Variants in ZSCAN10 observed in about 807,000 individuals in gnomAD.
The protein encoded by ZSCAN10 is zinc finger and SCAN domain-containing protein 10.
Under a neutral mutation model 63.7 loss-of-function variants are expected in ZSCAN10, and 52 were observed. The ratio of observed to expected loss-of-function variants is 0.82; its 90% CI spans 0.65 to 1.03. The LOEUF is 1.03. Ranked by LOEUF, ZSCAN10 falls within the 50% of genes least tolerant of loss-of-function variation. The pLI is 0.00. For synonymous variants in ZSCAN10, 544 were observed against 479.6 expected (o/e 1.13, Z -1.76); for missense variants, 1,223 against 1,103.8 (o/e 1.11, Z -1.53).
In ZSCAN10 at chr16:3,092,917, T is replaced by C; in HGVS notation, c.21A>G (p.Pro7=). The change falls in exon 2 of 6, where the codon CCA becomes CCG. Residue 7 remains proline (P), a synonymous_variant. Coordinates refer to ENST00000576985, the MANE Select transcript of ZSCAN10 (RefSeq NM_032805.3). ...CCAGCTGCTCCTGCTCCACGGCAGC[T>C]GGGACTGATTCTCCAAGCATCCTTC... MLGESV[P]AAVEQEQLGE... is the part of the protein sequence containing the mutation. The C allele has an allele frequency of 7.0e-7, 1 of 1,430,192 alleles. No individual in the cohort carries two copies. The highest frequency in any genetic ancestry group is 9.2e-7 in the Non-Finnish European group (1 of 1,092,410). 88.6% of individuals were successfully genotyped at this position (1,430,192 alleles called of 1,614,324 possible).
Position 3,092,782 on chromosome 16 carries a change from A to G in ZSCAN10, c.156T>C (p.Tyr52=). Residue 52 remains tyrosine (Y), a synonymous_variant, in exon 2 of 6, where the codon TAT becomes TAC. Coordinates refer to ENST00000576985, the MANE Select transcript of ZSCAN10 (RefSeq NM_032805.3). ...VAHQLFRCFQ[Y]QEDMGPRASL... ...ACGCCCGTGGCCCCATGTCCTCCTG[A>G]TACTGGAAGCATCTGAACAGCTGGT... 6.3e-7 allele frequency: 1 copy of G among 1,594,136 alleles called. No individual in the cohort carries two copies. The highest frequency in any genetic ancestry group is 8.5e-7 in the Non-Finnish European group (1 of 1,170,918).
chr16:3,090,718 G>C, intron 5 of ZSCAN10, 72 bp from the exon 6 acceptor site: 1 of 1,457,362 alleles, frequency 6.9e-7, no homozygotes, highest in Non-Finnish European at 9.0e-7. Flanking sequence ...GAACCTGATT[G>C]GCCTGGAAGT....
chr16:3,092,783 T>A lies in ZSCAN10; in HGVS notation c.155A>T (p.Tyr52Phe). The change falls in exon 2 of 6, where the codon TAT (tyrosine) becomes TTT (phenylalanine). Residue 52 changes from tyrosine (Y) to phenylalanine (F), a missense_variant. Transcript: ENST00000576985. ...VAHQLFRCFQ[Y>F]QEDMGPRASL... ...CGCCCGTGGCCCCATGTCCTCCTGA[T>A]ACTGGAAGCATCTGAACAGCTGGTG... 1 of 1,593,684 alleles carries A rather than the reference T, an allele frequency of 6.3e-7. No individual in the cohort carries two copies. Among genetic ancestry groups the A allele is most frequent in the Non-Finnish European group, 8.5e-7 (1 of 1,170,566 alleles).
rs754782920 is a variant in ZSCAN10, at chr16:3,092,551, C to G, written c.387G>C (p.Ala129=). 2 of 1,532,804 alleles carry G rather than the reference C, an allele frequency of 1.3e-6. No homozygotes were observed. The highest frequency in any genetic ancestry group is 2.0e-5 in the Admixed American group (1 of 49,264). 95.0% of individuals were successfully genotyped at this position (1,532,804 alleles called of 1,614,324 possible). A position where few individuals can be genotyped will look rare whatever the true frequency, so the allele number is the denominator to read the frequency against. ...LEGIHREPSH[A]GPLDFSCNAG... ...TGCCCCACCCTCTCACCAGCGGCCC[C>G]GCGTGGCTGGGCTCCCGGTGGATGC... The change falls in exon 2 of 6, where the codon GCG becomes GCC. Residue 129 remains alanine (A), a synonymous_variant. Coordinates refer to ENST00000576985, the MANE Select transcript of ZSCAN10 (RefSeq NM_032805.3).
At position 3,090,054 on chromosome 16, in the gene ZSCAN10, C is replaced by G; in HGVS notation, c.1380G>C (p.Pro460=). The part of the protein sequence containing the change: ...HLLAHAQDQK[P]PCAPESKAEA... ...CGGCCTTACTCTCAGGAGCGCAGGGCGGCTTCTGGTCCTGGGCGTGCGCCA... is the reference window on the plus strand; with the variant it reads ...CGGCCTTACTCTCAGGAGCGCAGGGGGGCTTCTGGTCCTGGGCGTGCGCCA... The change falls in exon 6 of 6, where the codon CCG becomes CCC. Residue 460 remains proline (P), a synonymous_variant. Transcript: ENST00000576985. The G allele has an allele frequency of 6.2e-7, 1 of 1,602,294 alleles. No homozygotes were observed. Among genetic ancestry groups the G allele is most frequent in the South Asian group, 1.1e-5 (1 of 90,684 alleles).
chr16:3,089,660 T>A lies in ZSCAN10; in HGVS notation c.1774A>T (p.Ser592Cys). The A allele has an allele frequency of 6.3e-7, 1 of 1,593,426 alleles. No homozygotes were observed. The highest frequency in any genetic ancestry group is 8.5e-7 in the Non-Finnish European group (1 of 1,170,408). ...QCGKRFVRRASLARHLLTHGG... is the reference protein window; with the variant it reads ...QCGKRFVRRACLARHLLTHGG... ...TGGGTCAGCAGGTGGCGGGCAAGGC[T>A]GGCCCGGCGCACAAAGCGCTTCCCG... Residue 592 changes from serine to cysteine, a missense_variant, in exon 6 of 6, where the codon AGC becomes TGC. Coordinates refer to ENST00000576985, the MANE Select transcript of ZSCAN10 (RefSeq NM_032805.3).
Position 3,092,761 on chromosome 16 carries a change from C to G in ZSCAN10, c.177G>C (p.Arg59=). The G allele has an allele frequency of 6.2e-7, 1 of 1,607,276 alleles. No individual in the cohort carries two copies. The highest frequency in any genetic ancestry group is 1.3e-5 in the African/African-American group (1 of 74,980). ...CFQYQEDMGP[R]ASLSRLRELC... ...GCTCCCGGAGCCGGCTCAGGGACGC[C>G]CGTGGCCCCATGTCCTCCTGATACT... The change falls in exon 2 of 6, where the codon CGG becomes CGC. Residue 59 remains arginine (R), a synonymous_variant. Coordinates refer to ENST00000576985, the MANE Select transcript of ZSCAN10 (RefSeq NM_032805.3).
Position 3,090,092 on chromosome 16 carries a change from C to T in ZSCAN10, c.1342G>A (p.Val448Met). ...GRGFQRRASL[V>M]QHLLAHAQDQ... ...TGGGCGTGCGCCAGCAGGTGCTGCA[C>T]AAGGCTGGCGCGGCGCTGGAAGCCG... Residue 448 changes from valine to methionine, a missense_variant, in exon 6 of 6, where the codon GTG becomes ATG. Coordinates refer to ENST00000576985, the MANE Select transcript of ZSCAN10 (RefSeq NM_032805.3). The T allele has an allele frequency of 2.5e-6, 4 of 1,603,528 alleles. No homozygotes were observed. The highest frequency in any genetic ancestry group is 3.4e-6 in the Non-Finnish European group (4 of 1,178,522).
In ZSCAN10 at chr16:3,089,972, G is replaced by T. The variant is rs1007377500; in HGVS notation, c.1462C>A (p.Arg488Ser). The T allele has an allele frequency of 1.3e-6, 2 of 1,545,648 alleles. No homozygotes were observed. ...CSHCGQSFQR[R>S]SSLKRHLRIH... ...CGCAGGTGGCGCTTGAGGCTGGAGCGGCGCTGGAAGCTCTGGCCGCAGTGG... is the reference window on the plus strand; with the variant it reads ...CGCAGGTGGCGCTTGAGGCTGGAGCTGCGCTGGAAGCTCTGGCCGCAGTGG... Residue 488 changes from arginine (R) to serine (S), a missense_variant, in exon 6 of 6, where the codon CGC (arginine) becomes AGC (serine). Physicochemically the swap from Arg to Ser is moderately radical, Grantham distance 110. Transcript: ENST00000576985.
At chr16:3,096,883 C>T (rs1195844530) in intron 1 of ZSCAN10, among the ~76,000 whole-genome samples, 1 of 148,996 alleles carries the variant, frequency 6.7e-6, no homozygotes, top group Non-Finnish European at 1.5e-5. Context: ...GAGACGAGAT[C>T]GTGCCACTGC....
Position 3,089,872 on chromosome 16 carries a change from G to C in ZSCAN10, c.1562C>G (p.Pro521Arg). ...CTTGCCGCAGTCGCTGCACACGAAG[G>C]GCCTCCGGTCGGAGTCCCGGCGGCG... The part of the protein sequence containing the change: ...GSRRRDSDRR[P>R]FVCSDCGKAF... Residue 521 changes from proline (P) to arginine (R), a missense_variant, in exon 6 of 6, where the codon CCC becomes CGC. By Grantham distance (103) the Pro-to-Arg change is moderately radical (BLOSUM62 -2). Coordinates refer to ENST00000576985, the MANE Select transcript of ZSCAN10 (RefSeq NM_032805.3). 6.5e-7 allele frequency: 1 copy of C among 1,538,254 alleles called. No individual in the cohort carries two copies. Among genetic ancestry groups the C allele is most frequent in the African/African-American group, 1.4e-5 (1 of 73,074 alleles).
At chr16:3,090,936 G>C (rs1957066027) in intron 5 of ZSCAN10, among the ~76,000 whole-genome samples, 1 of 152,126 alleles carries the variant, frequency 6.6e-6, no homozygotes, top group Non-Finnish European at 1.5e-5. Context: ...TGGGTGTAGT[G>C]GCGCATGCCT....
rs907982342 is a variant in ZSCAN10, at chr16:3,090,754, G to A, written c.788-108C>T. On this transcript the variant is annotated intron_variant, in intron 5 of 5. Coordinates refer to ENST00000576985, the MANE Select transcript of ZSCAN10 (RefSeq NM_032805.3). ...GGAAAGAAACCCAGGATCCTGCAAA[G>A]CTGGTAGGTAAAAGGCCGGGCACAG... The A allele has an allele frequency of 3.7e-6, 5 of 1,342,234 alleles. No individual in the cohort carries two copies. In the African/African-American group the frequency reaches 7.4e-5, roughly 20 times the overall value. 83.1% of individuals were successfully genotyped at this position (1,342,234 alleles called of 1,614,324 possible).
chr16:3,090,051 G>A lies in ZSCAN10; in HGVS notation c.1383C>T (p.Pro461=). Reference sequence around the variant, plus strand: ...CTTCGGCCTTACTCTCAGGAGCGCAGGGCGGCTTCTGGTCCTGGGCGTGCG... The same window carrying A: ...CTTCGGCCTTACTCTCAGGAGCGCAAGGCGGCTTCTGGTCCTGGGCGTGCG... ...LLAHAQDQKP[P]CAPESKAEAP... is the part of the protein sequence containing the mutation. The change falls in exon 6 of 6, where the codon CCC becomes CCT. Residue 461 remains proline (P), a synonymous_variant. Transcript: ENST00000576985. 6.2e-7 allele frequency: 1 copy of A among 1,602,694 alleles called. No individual in the cohort carries two copies.
intron 5 of ZSCAN10, 126 bp downstream of exon 5, chr16:3,091,414 T>C (rs1957072693): frequency 9.8e-7 from 1 of 1,024,856 alleles, no homozygotes; most frequent in Non-Finnish European, 1.5e-6. Flanking sequence ...GAGGCTGAGG[T>C]GGGAGGATCA....
chr16:3,098,355 T>A (rs968732882), intron 1 of ZSCAN10, among the ~76,000 whole-genome samples: 1 of 152,158 alleles, frequency 6.6e-6, no homozygotes, highest in Non-Finnish European at 1.5e-5. Context: ...GAGCCAAGGT[T>A]TGCTTTAGGC....
In ZSCAN10 at chr16:3,089,095, T is replaced by C; in HGVS notation, c.2339A>G (p.Tyr780Cys). ...GCTGGCGGAAGGCGGGCCAAGCTAG[T>C]ACAGCGTCTCGCGGGCGTGGGTGCG... Reference protein sequence around the residue: ...HLRTHARETLY With the variant: ...HLRTHARETLC Residue 780 changes from tyrosine (Y) to cysteine (C), a missense_variant, in exon 6 of 6, where the codon TAC becomes TGC. Transcript: ENST00000576985. 1 of 1,498,496 alleles carries C rather than the reference T, an allele frequency of 6.7e-7. No individual in the cohort carries two copies. The highest frequency in any genetic ancestry group is 8.8e-7 in the Non-Finnish European group (1 of 1,135,958). The allele number at this position is 1,498,496 out of a possible 1,614,324, so 92.8% of individuals were successfully genotyped here. A position where few individuals can be genotyped will look rare whatever the true frequency, so the allele number is the denominator to read the frequency against.
chr16:3,092,972 C>G lies in ZSCAN10; in HGVS notation c.-35G>C, dbSNP rs967362124. On this transcript the variant is annotated 5_prime_UTR_variant, in exon 2 of 6. Transcript: ENST00000576985. The stretch of plus-strand genomic sequence containing the variant: ...CGGGGATGCCTCCCTAACGCCAGCC[C>G]CGCTCTTGGGTCTCTCTCCTCTCCT... The G allele has an allele frequency of 7.1e-7, 1 of 1,402,818 alleles. No individual in the cohort carries two copies. Among genetic ancestry groups the G allele is most frequent in the Non-Finnish European group, 9.2e-7 (1 of 1,081,694 alleles). The allele number at this position is 1,402,818 out of a possible 1,614,324, so 86.9% of individuals were successfully genotyped here.
Position 3,090,007 on chromosome 16 carries a change from A to C in ZSCAN10, c.1427T>G (p.Val476Gly). 6.4e-7 allele frequency: 1 copy of C among 1,567,542 alleles called. No homozygotes were observed. The highest frequency in any genetic ancestry group is 8.6e-7 in the Non-Finnish European group (1 of 1,159,752). The change falls in exon 6 of 6, where the codon GTC becomes GGC. Residue 476 changes from valine (V) to glycine (G), a missense_variant. Val to Gly is a moderately radical substitution (Grantham distance 109). Transcript: ENST00000576985. ...GCTCTGGCCGCAGTGGGAGCACAGG[A>C]CATCGGTCAGTGGCGGCGCTTCGGC... is the stretch of plus-strand genomic sequence containing the variant. ...SKAEAPPLTD[V>G]LCSHCGQSFQ...
Sources: gnomAD v4.1 joint callset for allele counts (sites outside exome capture counted in the v4.1 genomes callset) on GRCh38, gnomAD v4.1.1 for gene constraint, MANE v1.5 for transcripts, NCBI Gene and HGNC (gene_info 2026-07-23, HGNC 2026-07-21) for gene names.